Variants in ANKH observed in about 807,000 individuals in gnomAD.
ANKH encodes the protein ANKH inorganic pyrophosphate transport regulator.
ANKH carries 15 observed loss-of-function variants against 49.0 expected under a neutral mutation model. That is an observed-to-expected ratio of 0.31 (90% CI 0.20 to 0.47). ANKH has a LOEUF of 0.47. Ranked by LOEUF, ANKH falls within the 20% of genes least tolerant of loss-of-function variation. The pLI is 1.00. For synonymous variants in ANKH, 273 were observed against 260.0 expected (o/e 1.05, Z -0.48); for missense variants, 429 against 652.0 (o/e 0.66, Z 3.72).
chr5:14,865,033 G>C (rs1300531968), intron 1 of ANKH, among the ~76,000 whole-genome samples: 1 of 152,186 alleles, frequency 6.6e-6, no homozygotes, highest in Non-Finnish European at 1.5e-5. Context: ...GGCCGAGGCA[G>C]GGGGACGACC....
intron 1 of ANKH, among the ~76,000 whole-genome samples, chr5:14,865,478 G>A (rs1228636760): frequency 6.6e-6 from 1 of 152,064 alleles, no homozygotes; most frequent in Non-Finnish European, 1.5e-5. Flanking sequence ...AGACTGGAGG[G>A]GGAAAGTCTC....
At chr5:14,800,290 A>G (rs888033559) in intron 1 of ANKH, among the ~76,000 whole-genome samples, 2 of 152,264 alleles carry the variant, frequency 1.3e-5, no homozygotes, top group African/African-American at 4.8e-5. Flanking sequence ...ACATTGTTGA[A>G]GTGACAACAA....
intron 1 of ANKH, among the ~76,000 whole-genome samples, chr5:14,828,540 C>A (rs1052092295): frequency 3.3e-5 from 5 of 151,952 alleles, no homozygotes; most frequent in African/African-American, 1.2e-4. Flanking sequence ...AACAAAAAAA[C>A]AAACAAACAA....
At chr5:14,807,886 T>C (rs1020624076) in intron 1 of ANKH, among the ~76,000 whole-genome samples, 32 of 152,166 alleles carry the variant, frequency 2.1e-4, no homozygotes, top group Non-Finnish European at 2.6e-4. Flanking sequence ...TTAAGATCAA[T>C]TTCAGGAAAA....
chr5:14,753,692 T>C (rs1022211308), intron 4 of ANKH, among the ~76,000 whole-genome samples: 3 of 152,172 alleles, frequency 2.0e-5, no homozygotes, highest in African/African-American at 4.8e-5. Context: ...GACTGGAACA[T>C]ATCACTGTTA....
At chr5:14,844,269 G>C (rs919371265) in intron 1 of ANKH, among the ~76,000 whole-genome samples, 1 of 152,148 alleles carries the variant, frequency 6.6e-6, no homozygotes. Context: ...TGCACAATAA[G>C]TGAATAGGCA....
Position 14,737,476 on chromosome 5 carries a change from A to AGGAT in ANKH, c.1011+4350_1011+4351insATCC. ...TCCAGGAGTGTCTACCTAGAGAAGCACAGCCTTTTAGGGCACACTCACTGT... is the reference window on the plus strand; with the variant it reads ...TCCAGGAGTGTCTACCTAGAGAAGCAGGATCAGCCTTTTAGGGCACACTCACTGT... On this transcript the variant is annotated intron_variant, in intron 8 of 11. Coordinates refer to ENST00000284268, the MANE Select transcript of ANKH (RefSeq NM_054027.6). The surrounding 1 kb of genome is among the most constrained non-coding windows in gnomAD (Gnocchi z 5.0). Among the ~76,000 whole-genome samples, 1 of 152,338 alleles carries AGGAT rather than the reference A, an allele frequency of 6.6e-6. No homozygotes were observed. Among genetic ancestry groups the AGGAT allele is most frequent in the East Asian group, 1.9e-4 (1 of 5,184 alleles).
chr5:14,843,787 G>C (rs1340221387), intron 1 of ANKH, among the ~76,000 whole-genome samples: 1 of 152,210 alleles, frequency 6.6e-6, no homozygotes, highest in Non-Finnish European at 1.5e-5. Context: ...GGATGGAAAA[G>C]AAGCAGTAAG....
chr5:14,719,816 C>G (rs532505565), intron 8 of ANKH, among the ~76,000 whole-genome samples: 1 of 152,206 alleles, frequency 6.6e-6, no homozygotes, highest in East Asian at 1.9e-4. Context: ...CTGTGAGTTA[C>G]AATCCTTACA....
At chr5:14,754,986 G>A (rs153925) in intron 4 of ANKH, among the ~76,000 whole-genome samples, 26,963 of 148,900 alleles carry the variant, frequency 0.18, 2,552 homozygotes, top group African/African-American at 0.22. Context: ...TGAGGCAGGA[G>A]AATCACTTGA....
rs1676886686 is a variant in ANKH, at chr5:14,736,091, C to G, written c.1011+5736G>C. 2.9e-5 allele frequency among the ~76,000 whole-genome samples: 4 copies of G among 140,202 alleles called. No homozygotes were observed. In the Admixed American group the frequency reaches 3.0e-4, roughly 10 times the overall value. The allele number at this position is 140,202 out of a possible 152,430, so 92.0% of individuals were successfully genotyped here. On this transcript the variant is annotated intron_variant, in intron 8 of 11. Coordinates refer to ENST00000284268, the MANE Select transcript of ANKH (RefSeq NM_054027.6). ...GCCATTGACCTCGGATACCCTTGCA[C>G]TCTATTGCATGAGGCCACGTGGTTT...
chr5:14,755,777 G>A, intron 4 of ANKH, 84 bp downstream of exon 4: 1 of 1,293,158 alleles, frequency 7.7e-7, no homozygotes, highest in Non-Finnish European at 1.1e-6. Context: ...GTACTGCACA[G>A]TGAATGAATA....
At chr5:14,757,873 T>C (rs1206983917) in intron 3 of ANKH, among the ~76,000 whole-genome samples, 1 of 152,160 alleles carries the variant, frequency 6.6e-6, no homozygotes, top group Admixed American at 6.5e-5. Context: ...GTCTGCTAAT[T>C]CCTCAAAAAA....
chr5:14,758,690 G>A, intron 2 of ANKH, 92 bp from the exon 3 acceptor site: 3 of 990,442 alleles, frequency 3.0e-6, no homozygotes, highest in Non-Finnish European at 4.9e-6. Context: ...AATTTTAAAT[G>A]TAGTATTTGT....
chr5:14,717,251 T>G (rs967251932), intron 8 of ANKH, among the ~76,000 whole-genome samples: 3 of 152,202 alleles, frequency 2.0e-5, no homozygotes, highest in African/African-American at 7.2e-5. Context: ...TGAAAGTACT[T>G]GGATGTGTAC....
intron 1 of ANKH, among the ~76,000 whole-genome samples, chr5:14,858,655 G>A (rs1178105506): frequency 1.3e-5 from 2 of 151,916 alleles, no homozygotes; most frequent in South Asian, 2.1e-4. Flanking sequence ...GGCGGGGGTT[G>A]CAGTGAGCCG....
intron 1 of ANKH, among the ~76,000 whole-genome samples, chr5:14,824,898 T>A (rs1284129181): frequency 6.6e-6 from 1 of 152,102 alleles, no homozygotes; most frequent in African/African-American, 2.4e-5. Flanking sequence ...GAAGAACAAA[T>A]GTGATAAAGA....
chr5:14,790,264 C>T (rs766176849), intron 1 of ANKH, among the ~76,000 whole-genome samples: 12 of 152,216 alleles, frequency 7.9e-5, no homozygotes, highest in Non-Finnish European at 1.6e-4. Flanking sequence ...ACATAAACTA[C>T]TATATCACCT....
At chr5:14,833,843 T>C (rs1272552506) in intron 1 of ANKH, among the ~76,000 whole-genome samples, 1 of 152,208 alleles carries the variant, frequency 6.6e-6, no homozygotes, top group Non-Finnish European at 1.5e-5. Context: ...GCAAAGGAAC[T>C]GTTGGGGCCC....
Sources: allele counts gnomAD v4.1 joint callset (sites outside exome capture counted in the v4.1 genomes callset), GRCh38; gene constraint gnomAD v4.1.1; non-coding constraint Gnocchi (gnomAD v3.1); transcripts MANE v1.5; gene names NCBI Gene and HGNC (gene_info 2026-07-23, HGNC 2026-07-21).